The following PROSER2 variants were observed in gnomAD, a reference collection of about 807,000 sequenced individuals.
PROSER2 encodes proline and serine-rich protein 2.
Under a neutral mutation model 14.6 loss-of-function variants are expected in PROSER2, and 18 were observed. The ratio of observed to expected loss-of-function variants is 1.23; its 90% CI spans 0.85 to 1.83. The LOEUF is 1.83. PROSER2 is among the 40% of genes most tolerant of loss of function. The pLI is 0.00. For missense variants in PROSER2, 823 were observed against 629.8 expected (o/e 1.31, Z -3.28); for synonymous variants, 367 against 286.4 (o/e 1.28, Z -2.84).
intron 2 of PROSER2, among the ~76,000 whole-genome samples, chr10:11,859,208 G>C (rs1588496534): frequency 6.6e-6 from 1 of 151,932 alleles, no homozygotes; most frequent in Non-Finnish European, 1.5e-5. Flanking sequence ...GATCATTTGA[G>C]GTCAGGAGCT....
At chr10:11,833,436 A>G (rs1833715708) in intron 1 of PROSER2, among the ~76,000 whole-genome samples, 1 of 151,724 alleles carries the variant, frequency 6.6e-6, no homozygotes, top group Non-Finnish European at 1.5e-5. Context: ...CACACCGGTA[A>G]TCCCAGCACT....
chr10:11,856,889 G>T lies in PROSER2; in HGVS notation c.138+4674G>T, dbSNP rs1834132449. Among the ~76,000 whole-genome samples, 1 of 152,236 alleles carries T rather than the reference G, an allele frequency of 6.6e-6. No individual in the cohort carries two copies. The highest frequency in any genetic ancestry group is 2.4e-5 in the African/African-American group (1 of 41,456). On this transcript the variant is annotated intron_variant, in intron 2 of 3. Transcript: ENST00000277570. This position sits in a 1 kb window ranked among gnomAD's most constrained non-coding sequence, Gnocchi z 5.3. ...TGTTTGCTCTGTGACTTCAGGAGGG[G>T]ACACTGAACCGGAGGTGCCTTGAGG...
At chr10:11,844,803 C>CA (rs1298290370) in intron 1 of PROSER2, among the ~76,000 whole-genome samples, 1 of 152,090 alleles carries the variant, frequency 6.6e-6, no homozygotes, top group East Asian at 1.9e-4. Flanking sequence ...TGTGTTTTTA[C>CA]TAGAGACAGG....
At position 11,866,725 on chromosome 10, in the gene PROSER2, G is replaced by A; in HGVS notation, c.333G>A (p.Val111=). 6.2e-7 allele frequency: 1 copy of A among 1,613,888 alleles called. No individual in the cohort carries two copies. Among genetic ancestry groups the A allele is most frequent in the Non-Finnish European group, 8.5e-7 (1 of 1,180,020 alleles). ...AGCCTGAAGATGTCATCGACTTAGT[G>A]CAGCCAGCACCTGGCGCCGGGGAAG... is the stretch of plus-strand genomic sequence containing the variant. ...PSEPEDVIDL[V]QPAPGAGEAE... Residue 111 remains valine, a synonymous_variant, in exon 3 of 4, where the codon GTG becomes GTA. Transcript: ENST00000277570. This position sits in a 1 kb window ranked among gnomAD's most constrained non-coding sequence, Gnocchi z 6.0.
intron 1 of PROSER2, among the ~76,000 whole-genome samples, chr10:11,825,850 A>C (rs1216621907): frequency 6.6e-6 from 1 of 152,212 alleles, no homozygotes; most frequent in Non-Finnish European, 1.5e-5. Context: ...CACTGTGAAG[A>C]GTTCATGCTG....
intron 2 of PROSER2, among the ~76,000 whole-genome samples, chr10:11,864,840 C>A (rs959079918): frequency 9.9e-5 from 15 of 152,144 alleles, no homozygotes; most frequent in Non-Finnish European, 1.5e-5. Flanking sequence ...CCACCCACCT[C>A]GGCCTCCCAC....
chr10:11,867,100 T>TA (rs1490895579), intron 3 of PROSER2, among the ~76,000 whole-genome samples: 1 of 151,480 alleles, frequency 6.6e-6, no homozygotes, highest in Non-Finnish European at 1.5e-5. Flanking sequence ...CCGTCTCTAC[T>TA]AAAAAATACA....
chr10:11,853,631 C>T (rs1834070919), intron 2 of PROSER2, among the ~76,000 whole-genome samples: 1 of 152,166 alleles, frequency 6.6e-6, no homozygotes, highest in African/African-American at 2.4e-5. Context: ...CCAGCTTCTC[C>T]TTCCCTGGTG....
chr10:11,861,632 G>A lies in PROSER2; in HGVS notation c.139-4899G>A, dbSNP rs546341464. On this transcript the variant is annotated intron_variant, in intron 2 of 3. Coordinates refer to ENST00000277570, the MANE Select transcript of PROSER2 (RefSeq NM_153256.4). Reference sequence around the variant, plus strand: ...TGGACTTGAGCAGGGAGCAAGAAGCGACAAACCATAGCCTGTGGCCCGTAG... The same window carrying A: ...TGGACTTGAGCAGGGAGCAAGAAGCAACAAACCATAGCCTGTGGCCCGTAG... Among the ~76,000 whole-genome samples the A allele has an allele frequency of 1.6e-4, 24 of 152,280 alleles. No homozygotes were observed. In the South Asian group the frequency reaches 3.7e-3, roughly 24 times the overall value.
chr10:11,870,559 G>A lies in PROSER2; in HGVS notation c.*153G>A, dbSNP rs1470309112. ...ATCGGAGTCTAGAGGTGCCTGGCTG[G>A]GGCCTCCTGGCTGAGCACGCACCGC... On this transcript the variant is annotated 3_prime_UTR_variant, in exon 4 of 4. Coordinates refer to ENST00000277570, the MANE Select transcript of PROSER2 (RefSeq NM_153256.4). 10 of 614,506 alleles carry A rather than the reference G, an allele frequency of 1.6e-5. No homozygotes were observed. The highest frequency in any genetic ancestry group is 1.6e-4 in the African/African-American group (8 of 50,934). 38.1% of individuals were successfully genotyped at this position (614,506 alleles called of 1,614,324 possible).
intron 2 of PROSER2, among the ~76,000 whole-genome samples, chr10:11,863,857 T>C (rs1834292499): frequency 6.6e-6 from 1 of 152,228 alleles, no homozygotes; most frequent in Non-Finnish European, 1.5e-5. Context: ...CATTAGTTTT[T>C]CTGTGGTTGC....
chr10:11,858,667 T>C (rs147133764), intron 2 of PROSER2, among the ~76,000 whole-genome samples: 169 of 152,276 alleles, frequency 1.1e-3, no homozygotes, highest in African/African-American at 3.8e-3. Context: ...AGCAAAGCAA[T>C]ATTTCCTTCA....
At chr10:11,831,794 C>T (rs763291259) in intron 1 of PROSER2, 3 of 152,086 alleles carry the variant, frequency 2.0e-5, no homozygotes, top group African/African-American at 7.2e-5. Flanking sequence ...CTTCTTCCCT[C>T]GAGGCCTGTT....
rs191355785 is a variant in PROSER2 at position 11,824,466 on chromosome 10, G to T, written c.-82+996G>T. The stretch of plus-strand genomic sequence containing the variant: ...TATTTTTTAAAAACACTACATAAAA[G>T]TGCCCCAGCATGCACTAAAAAGTTT... On this transcript the variant is annotated intron_variant, in intron 1 of 3. Transcript: ENST00000277570. Among the ~76,000 whole-genome samples the T allele has an allele frequency of 1.6e-3, 248 of 152,230 alleles. 2 individuals are homozygous for T. The highest frequency in any genetic ancestry group is 6.8e-3 in the Middle Eastern group (2 of 294).
intron 1 of PROSER2, among the ~76,000 whole-genome samples, chr10:11,835,863 C>A (rs193072418): frequency 6.6e-6 from 1 of 152,090 alleles, no homozygotes; most frequent in African/African-American, 2.4e-5. Flanking sequence ...TTTCACCCAC[C>A]GCTTCCCCAT....
intron 2 of PROSER2, among the ~76,000 whole-genome samples, chr10:11,852,684 ATTTTTT>A (rs33939695): frequency 1.0e-5 from 1 of 98,024 alleles, no homozygotes; most frequent in Non-Finnish European, 2.0e-5. Flanking sequence ...ACACCCGGCT[ATTTTTT>A]TTTTTTTTTT....
At chr10:11,825,907 G>A (rs758608294) in intron 1 of PROSER2, among the ~76,000 whole-genome samples, 9 of 152,128 alleles carry the variant, frequency 5.9e-5, no homozygotes, top group African/African-American at 1.4e-4. Flanking sequence ...AAAATTTACC[G>A]CTTTAAAGTG....
At chr10:11,848,869 G>A (rs1833968000) in intron 1 of PROSER2, among the ~76,000 whole-genome samples, 1 of 152,150 alleles carries the variant, frequency 6.6e-6, no homozygotes, top group Non-Finnish European at 1.5e-5. Context: ...CATGGGAGTG[G>A]GTGATGTTGA....
At chr10:11,829,787 C>T (rs1051762693) in intron 1 of PROSER2, among the ~76,000 whole-genome samples, 5 of 150,390 alleles carry the variant, frequency 3.3e-5, no homozygotes, top group African/African-American at 1.2e-4. Flanking sequence ...CTAAAATGTG[C>T]ATGAGGTGAG....
Sources: allele counts gnomAD v4.1 joint callset (sites outside exome capture counted in the v4.1 genomes callset), GRCh38; gene constraint gnomAD v4.1.1; non-coding constraint Gnocchi (gnomAD v3.1); transcripts MANE v1.5; gene names NCBI Gene and HGNC (gene_info 2026-07-23, HGNC 2026-07-21).